The following TNFRSF13B variants were observed in gnomAD, a reference collection of about 807,000 sequenced individuals.
The protein encoded by TNFRSF13B is tumor necrosis factor receptor superfamily member 13B.
TNFRSF13B carries 34 observed loss-of-function variants against 24.0 expected under a neutral mutation model. The observed-to-expected ratio is 1.41, with a 90% CI of 1.08 to 1.88. The LOEUF is 1.88. TNFRSF13B is among the 40% of genes most tolerant of loss of function. TNFRSF13B has a pLI of 0.00. For missense variants in TNFRSF13B, 415 were observed against 380.8 expected (o/e 1.09, Z -0.75); for synonymous variants, 173 against 150.3 (o/e 1.15, Z -1.10).
chr17:16,967,292 A>G (rs1010947994), intron 1 of TNFRSF13B, among the ~76,000 whole-genome samples: 1 of 152,202 alleles, frequency 6.6e-6, no homozygotes, highest in Non-Finnish European at 1.5e-5. Flanking sequence ...GTTGCTGTGG[A>G]AAGAACAGCA....
intron 2 of TNFRSF13B, among the ~76,000 whole-genome samples, chr17:16,949,847 G>A (rs562351432): frequency 1.4e-4 from 22 of 151,914 alleles, no homozygotes; most frequent in Admixed American, 5.2e-4. Flanking sequence ...CACAACACCC[G>A]GCTAATTTTT....
chr17:16,971,955 C>T (rs1597672213), intron 1 of TNFRSF13B, 60 bp downstream of exon 1: 2 of 1,587,718 alleles, frequency 1.3e-6, no homozygotes, highest in South Asian at 1.1e-5. Context: ...CCACGGCACT[C>T]AGGCCCAACC....
intron 1 of TNFRSF13B, among the ~76,000 whole-genome samples, chr17:16,955,177 G>A (rs1024940844): frequency 9.8e-5 from 15 of 152,364 alleles, no homozygotes; most frequent in African/African-American, 3.6e-4. Context: ...GCAGCTGTCA[G>A]TGCCTCAGTC....
chr17:16,947,443 C>T (rs1201298781), intron 3 of TNFRSF13B, among the ~76,000 whole-genome samples: 1 of 152,210 alleles, frequency 6.6e-6, no homozygotes, highest in East Asian at 1.9e-4. Flanking sequence ...TGTTTGCAAA[C>T]TATGCACCCA....
rs1413353836 is a variant in TNFRSF13B, at chr17:16,948,838, T to C, written c.345A>G (p.Pro115=). Residue 115 remains proline (P), a synonymous_variant, in exon 3 of 5, where the codon CCA becomes CCG. Coordinates refer to ENST00000261652, the MANE Select transcript of TNFRSF13B (RefSeq NM_012452.3). ...CACTCCGCTGTCTCCTGAGCTCTGG[T>C]GGAAGGTTCACTGGGCTCCTGAGCT... ...ENKLRSPVNL[P]PELRRQRSGE... 3.1e-6 allele frequency: 5 copies of C among 1,614,218 alleles called. No individual in the cohort carries two copies. Among genetic ancestry groups the C allele is most frequent in the Non-Finnish European group, 4.2e-6 (5 of 1,180,032 alleles).
chr17:16,968,159 A>AAAG (rs1555550493), intron 1 of TNFRSF13B, among the ~76,000 whole-genome samples: 1,894 of 150,392 alleles, frequency 0.013, 65 homozygotes, highest in African/African-American at 0.045. Flanking sequence ...AAAAAAAAGA[A>AAAG]AAAAGAAAGG....
chr17:16,956,429 G>A (rs140668193), intron 1 of TNFRSF13B, among the ~76,000 whole-genome samples: 4 of 152,276 alleles, frequency 2.6e-5, no homozygotes, highest in African/African-American at 7.2e-5. Context: ...CCATTTCCAG[G>A]GACGTCTATA....
At position 16,960,846 on chromosome 17, in the gene TNFRSF13B, C is replaced by T. The variant is rs368339394; in HGVS notation, c.62-8263G>A. ...AGAATGGGAGAAAATATCTTCAAAT[C>T]ATATACCTAATATGGGGTTAATATC... On this transcript the variant is annotated intron_variant, in intron 1 of 4. Transcript: ENST00000261652. Among the ~76,000 whole-genome samples, 7 of 152,196 alleles carry T rather than the reference C, an allele frequency of 4.6e-5. No individual in the cohort carries two copies. The East Asian group carries it at 1.2e-3, about 25-fold the overall frequency.
At chr17:16,956,971 A>G (rs2087629240) in intron 1 of TNFRSF13B, among the ~76,000 whole-genome samples, 1 of 152,148 alleles carries the variant, frequency 6.6e-6, no homozygotes, top group South Asian at 2.1e-4. Flanking sequence ...GCCATGTACA[A>G]CACTGAGAGT....
intron 2 of TNFRSF13B, among the ~76,000 whole-genome samples, chr17:16,950,438 C>G (rs890860596): frequency 5.3e-5 from 8 of 152,260 alleles, no homozygotes; most frequent in African/African-American, 1.7e-4. Context: ...ACAAAGCAAA[C>G]AGATCCGTTC....
intron 3 of TNFRSF13B, among the ~76,000 whole-genome samples, chr17:16,947,038 AAAG>A (rs978753411): frequency 6.6e-6 from 1 of 152,232 alleles, no homozygotes; most frequent in African/African-American, 2.4e-5. Flanking sequence ...GCAGATGCAC[AAAG>A]AAGAGCTGGT....
intron 3 of TNFRSF13B, among the ~76,000 whole-genome samples, chr17:16,944,909 A>T (rs1248540050): frequency 6.6e-6 from 1 of 152,154 alleles, no homozygotes; most frequent in Non-Finnish European, 1.5e-5. Context: ...ACTTGGTCAC[A>T]TGGTGTCCTC....
intron 1 of TNFRSF13B, among the ~76,000 whole-genome samples, chr17:16,955,605 A>G (rs1192830762): frequency 1.3e-5 from 2 of 152,250 alleles, no homozygotes; most frequent in African/African-American, 2.4e-5. Flanking sequence ...GAAGGAGTCA[A>G]TCAAGTATCA....
chr17:16,969,647 T>C (rs968747591), intron 1 of TNFRSF13B, among the ~76,000 whole-genome samples: 6 of 152,336 alleles, frequency 3.9e-5, no homozygotes, highest in African/African-American at 1.2e-4. Context: ...CACAGACTTG[T>C]ATGCTTTACA....
rs1276847568 is a variant in TNFRSF13B, at chr17:16,972,091, T to C, written c.-16A>G. On this transcript the variant is annotated 5_prime_UTR_variant, in exon 1 of 5. Coordinates refer to ENST00000261652, the MANE Select transcript of TNFRSF13B (RefSeq NM_012452.3). ...GGCCACTCATTACTCAGGATGCTTA[T>C]TACTAGTCTTAGATTTGATTAGTGC... is the stretch of plus-strand genomic sequence containing the variant. The C allele has an allele frequency of 6.2e-7, 1 of 1,613,632 alleles. No individual in the cohort carries two copies. The highest frequency in any genetic ancestry group is 1.1e-5 in the South Asian group (1 of 91,088).
At chr17:16,940,942 G>A (rs1382463168) in intron 3 of TNFRSF13B, 1 of 1,078,894 alleles carries the variant, frequency 9.3e-7, no homozygotes, top group Admixed American at 4.7e-5. Context: ...TGGGGGACTG[G>A]TTCCAGGATC....
At chr17:16,961,696 G>A (rs7209074) in intron 1 of TNFRSF13B, among the ~76,000 whole-genome samples, 124,724 of 152,218 alleles carry the variant, frequency 0.82, 51,712 homozygotes, top group East Asian at 1. Flanking sequence ...AATATGTCAT[G>A]ATGATTAAAA....
At chr17:16,943,373 G>T (rs1238681319) in intron 3 of TNFRSF13B, among the ~76,000 whole-genome samples, 1 of 152,170 alleles carries the variant, frequency 6.6e-6, no homozygotes, top group Non-Finnish European at 1.5e-5. Context: ...TCCCAGAAGG[G>T]GTCACGGGCA....
intron 2 of TNFRSF13B, among the ~76,000 whole-genome samples, chr17:16,950,928 C>A (rs1011818155): frequency 2.6e-5 from 4 of 152,218 alleles, no homozygotes; most frequent in Non-Finnish European, 5.9e-5. Flanking sequence ...CCTCCCTGCT[C>A]CCCAGCCCTT....
Sources: gnomAD v4.1 joint callset for allele counts (sites outside exome capture counted in the v4.1 genomes callset) on GRCh38, gnomAD v4.1.1 for gene constraint, MANE v1.5 for transcripts, NCBI Gene and HGNC (gene_info 2026-07-23, HGNC 2026-07-21) for gene names.